The following SNX25 variants were observed in gnomAD, a reference collection of about 807,000 sequenced individuals.
SNX25 encodes the protein sorting nexin 25, also known as sorting nexin-25.
A neutral mutation model predicts 113.7 loss-of-function variants in SNX25; 62 were observed. The observed-to-expected ratio is 0.55, with a 90% confidence interval of 0.44 to 0.67. SNX25 has a LOEUF of 0.67. SNX25 is among the 30% of genes least tolerant of loss of function. SNX25 has a pLI of 0.00. For missense variants in SNX25, 1,014 were observed against 1,161.0 expected (o/e 0.87, Z 1.84); for synonymous variants, 421 against 436.2 (o/e 0.97, Z 0.43).
chr4:185,332,032 T>A (rs1205404680), intron 9 of SNX25, among the ~76,000 whole-genome samples: 2 of 152,228 alleles, frequency 1.3e-5, no homozygotes, highest in Non-Finnish European at 1.5e-5. Flanking sequence ...CTTTTCCAAG[T>A]TACAGAGTTC....
chr4:185,268,547 C>G (rs905550538), intron 5 of SNX25, among the ~76,000 whole-genome samples: 2 of 152,008 alleles, frequency 1.3e-5, no homozygotes, highest in African/African-American at 2.4e-5. Context: ...AGAAAGAAAA[C>G]TCTTATATGT....
chr4:185,372,542 T>C (rs1347863913), downstream of SNX25, among the ~76,000 whole-genome samples: 1 of 152,240 alleles, frequency 6.6e-6, no homozygotes, highest in Non-Finnish European at 1.5e-5. Flanking sequence ...TATTCAAACA[T>C]TACTGCTATG....
intron 7 of SNX25, among the ~76,000 whole-genome samples, chr4:185,320,451 GA>G (rs1455195936): frequency 6.6e-6 from 1 of 152,000 alleles, no homozygotes; most frequent in East Asian, 1.9e-4. Flanking sequence ...ACAGGGAGGG[GA>G]ACAACACACA....
intron 9 of SNX25, among the ~76,000 whole-genome samples, chr4:185,326,439 C>T (rs369605718): frequency 6.6e-6 from 1 of 152,114 alleles, no homozygotes; most frequent in South Asian, 2.1e-4. Context: ...AGGACCAAAA[C>T]AAGACAACAA....
intron 6 of SNX25, among the ~76,000 whole-genome samples, chr4:185,301,640 G>C (rs1380599654): frequency 6.6e-6 from 1 of 152,170 alleles, no homozygotes; most frequent in Non-Finnish European, 1.5e-5. Context: ...AGGCTGGAGT[G>C]CAGTGGCACA....
At chr4:185,228,563 A>G (rs1741358542) in intron 1 of SNX25, among the ~76,000 whole-genome samples, 4 of 152,106 alleles carry the variant, frequency 2.6e-5, no homozygotes. Context: ...TTTAGACAGC[A>G]TCTTGCTCTA....
chr4:185,355,689 T>C (rs567042181), intron 15 of SNX25, among the ~76,000 whole-genome samples: 1 of 152,376 alleles, frequency 6.6e-6, no homozygotes, highest in South Asian at 2.1e-4. Flanking sequence ...AATAGCTTTT[T>C]AATATTTGAG....
intron 12 of SNX25, among the ~76,000 whole-genome samples, chr4:185,345,867 TA>T (rs1446656124): frequency 1.3e-5 from 2 of 152,136 alleles, no homozygotes; most frequent in East Asian, 1.9e-4. Context: ...CTTTTCTTTT[TA>T]TTTTTTTTTG....
chr4:185,364,574 A>G (rs2095380018), downstream of SNX25: 1 of 152,230 alleles, frequency 6.6e-6, no homozygotes, highest in South Asian at 2.1e-4. Context: ...CATACCTGCT[A>G]ACTTCTTGAT....
intron 5 of SNX25, among the ~76,000 whole-genome samples, chr4:185,274,060 G>T (rs1379465813): frequency 6.6e-6 from 1 of 151,414 alleles, no homozygotes. Flanking sequence ...GGTTATACAC[G>T]GGCTTTTTTT....
upstream of SNX25, among the ~76,000 whole-genome samples, chr4:185,204,763 A>G (rs888432895): frequency 2.8e-4 from 42 of 152,384 alleles, no homozygotes; most frequent in African/African-American, 1.0e-3. Context: ...CTGTGAGCAC[A>G]GAAGCTAGAG....
chr4:185,219,541 C>T (rs1352801918), intron 1 of SNX25, among the ~76,000 whole-genome samples: 2 of 152,000 alleles, frequency 1.3e-5, no homozygotes, highest in Non-Finnish European at 2.9e-5. Flanking sequence ...GCTGGGACGA[C>T]AGAGCAAGAC....
rs145306890 is a variant in SNX25, at chr4:185,263,568, G to C, written c.732-870G>C. Among the ~76,000 whole-genome samples the C allele has an allele frequency of 1.4e-3, 213 of 152,232 alleles. 1 individual carries two copies. Among genetic ancestry groups the C allele is most frequent in the Non-Finnish European group, 2.2e-3 (149 of 68,012 alleles). ...CTCTAGAAACTAGTTTCAGTCTCCA[G>C]TGCAAAATAAATTTCAGTTAACACC... On this transcript the variant is annotated intron_variant, in intron 3 of 18. Coordinates refer to ENST00000652585, the MANE Select transcript of SNX25 (RefSeq NM_001378034.2).
At position 185,249,963 on chromosome 4, in the gene SNX25, C is replaced by G. The variant is rs1745411404; in HGVS notation, c.514+2585C>G. 2.0e-5 allele frequency among the ~76,000 whole-genome samples: 3 copies of G among 152,086 alleles called. No individual in the cohort carries two copies. The South Asian group carries it at 6.2e-4, about 31-fold the overall frequency. On this transcript the variant is annotated intron_variant, in intron 2 of 18. Coordinates refer to ENST00000652585, the MANE Select transcript of SNX25 (RefSeq NM_001378034.2). ...TGTTGGTTTCTGTTAATGGCTTTTT[C>G]TCTTGACTAGATGTCACTTTTTGGG...
At chr4:185,357,569 G>C in intron 15 of SNX25, 102 bp from the exon 16 acceptor site, 1 of 997,848 alleles carries the variant, frequency 1.0e-6, no homozygotes, top group South Asian at 1.3e-5. Context: ...TGGCAGGACT[G>C]AAATCATCTT....
intron 18 of SNX25, 125 bp downstream of exon 18, chr4:185,362,836 ACT>A: frequency 4.8e-5 from 17 of 352,596 alleles, no homozygotes; most frequent in South Asian, 1.4e-4. Context: ...ATCTCCCTTG[ACT>A]TTTTTTTTTT....
intron 2 of SNX25, among the ~76,000 whole-genome samples, chr4:185,250,930 A>G (rs1579475036): frequency 6.6e-6 from 1 of 152,158 alleles, no homozygotes; most frequent in East Asian, 1.9e-4. Flanking sequence ...TAATTGTGTT[A>G]AAATAGACAT....
At chr4:185,262,911 T>C (rs748050526) in intron 3 of SNX25, among the ~76,000 whole-genome samples, 55 of 152,334 alleles carry the variant, frequency 3.6e-4, no homozygotes, top group Non-Finnish European at 7.1e-4. Flanking sequence ...CCCCTCGTGG[T>C]GCTTTCTTGG....
At chr4:185,335,977 TTGCACAC>T (rs1162090410) in intron 10 of SNX25, among the ~76,000 whole-genome samples, 1 of 152,174 alleles carries the variant, frequency 6.6e-6, no homozygotes, top group Non-Finnish European at 1.5e-5. Flanking sequence ...GAAAGAGCCC[TTGCACAC>T]TGCATATTCA....
Sources: allele counts gnomAD v4.1 joint callset (sites outside exome capture counted in the v4.1 genomes callset), GRCh38; gene constraint gnomAD v4.1.1; transcripts MANE v1.5; gene names NCBI Gene and HGNC (gene_info 2026-07-23, HGNC 2026-07-21).